The following BRAF variants were observed in gnomAD, a reference collection of about 807,000 sequenced individuals.
BRAF encodes the protein B-Raf proto-oncogene, serine/threonine kinase.
Under a neutral mutation model 104.6 loss-of-function variants are expected in BRAF, and 16 were observed. The ratio of observed to expected loss-of-function variants is 0.15; its 90% CI spans 0.10 to 0.23. The LOEUF (loss-of-function observed/expected upper bound fraction) is 0.23. BRAF is among the 10% of genes least tolerant of loss of function. The probability of loss-of-function intolerance (pLI) is 1.00; values close to 1 mark genes in which losing one functional copy is unlikely to be tolerated. For synonymous variants in BRAF, 310 were observed against 341.6 expected, an observed-to-expected ratio of 0.91 and a Z score of 1.02; for missense variants, 541 against 937.3, an observed-to-expected ratio of 0.58 and a Z score of 5.52.
intron 14 of BRAF, among the ~76,000 whole-genome samples, chr7:140,755,437 G>A (rs527694951): frequency 6.6e-6 from 1 of 152,226 alleles, no homozygotes; most frequent in East Asian, 1.9e-4. Context: ...GATTATTCAT[G>A]CTGTCTCATC....
intron 17 of BRAF, 115 bp downstream of exon 16, chr7:140,749,171 AC>A: frequency 7.1e-7 from 1 of 1,417,136 alleles, no homozygotes; most frequent in Non-Finnish European, 9.7e-7. Context: ...AAAACTGGTA[AC>A]AAAAAATCAA....
chr7:140,819,603 T>C (rs1319331030), intron 3 of BRAF, among the ~76,000 whole-genome samples: 4 of 152,130 alleles, frequency 2.6e-5, no homozygotes, highest in African/African-American at 9.7e-5. Flanking sequence ...AGCTGATAAA[T>C]GTGTAAACAA....
chr7:140,755,172 C>T (rs1190066106), intron 14 of BRAF, among the ~76,000 whole-genome samples: 1 of 152,068 alleles, frequency 6.6e-6, no homozygotes, highest in Non-Finnish European at 1.5e-5. Flanking sequence ...TACCCAGTGC[C>T]GAGAACAGTG....
intron 14 of BRAF, among the ~76,000 whole-genome samples, chr7:140,756,541 C>CA (rs3216495): frequency 0.016 from 2,358 of 143,738 alleles, 55 homozygotes; most frequent in African/African-American, 0.053. Context: ...TGGAAAATGC[C>CA]AAAAAAAAAA....
intron 11 of BRAF, 86 bp downstream of exon 10, chr7:140,782,935 T>A (rs1292436766): frequency 6.1e-6 from 9 of 1,474,612 alleles, no homozygotes; most frequent in Non-Finnish European, 8.4e-6. Context: ...CATATGGACA[T>A]AATATATCTA....
chr7:140,776,736 C>A (rs1006881690), intron 14 of BRAF, among the ~76,000 whole-genome samples, 176 bp downstream of exon 13: 3 of 152,284 alleles, frequency 2.0e-5, no homozygotes, highest in African/African-American at 7.2e-5. Context: ...GAAGGCTGCA[C>A]TAGACAGAGA....
chr7:140,874,016 A>G (rs1811908818), intron 1 of BRAF, among the ~76,000 whole-genome samples: 1 of 152,168 alleles, frequency 6.6e-6, no homozygotes, highest in Non-Finnish European at 1.5e-5. Flanking sequence ...TTGAGCAGAA[A>G]TATTAGTAGT....
intron 3 of BRAF, among the ~76,000 whole-genome samples, chr7:140,825,280 A>C (rs1441536881): frequency 6.6e-6 from 1 of 151,990 alleles, no homozygotes; most frequent in Non-Finnish European, 1.5e-5. Flanking sequence ...TTGTTTTCTT[A>C]CTATTGAGCT....
At chr7:140,897,493 CTTTTTTTTTTTTTTTT>C (rs1177553423) in intron 1 of BRAF, among the ~76,000 whole-genome samples, 1 of 105,760 alleles carries the variant, frequency 9.5e-6, no homozygotes, top group Non-Finnish European at 1.8e-5. Flanking sequence ...TTTCTTTTTT[CTTTTTTTTTTTTTTTT>C]TTTTTGAGAC....
intron 8 of BRAF, among the ~76,000 whole-genome samples, chr7:140,791,878 G>A (rs1267635): frequency 0.3 from 45,340 of 152,084 alleles, 10,783 homozygotes; most frequent in African/African-American, 0.66. Flanking sequence ...GTGGTTAAGT[G>A]TAAGAGAGAA....
chr7:140,774,671 C>G (rs562799175), intron 14 of BRAF, among the ~76,000 whole-genome samples: 2 of 152,172 alleles, frequency 1.3e-5, no homozygotes, highest in South Asian at 4.1e-4. Flanking sequence ...CAAGTGCCAC[C>G]ACACCTTGCT....
intron 1 of BRAF, among the ~76,000 whole-genome samples, chr7:140,901,858 C>T (rs750244867): frequency 5.3e-5 from 8 of 152,196 alleles, no homozygotes; most frequent in Non-Finnish European, 1.2e-4. Flanking sequence ...GTCCTTAATT[C>T]TTTATTTATC....
intron 1 of BRAF, among the ~76,000 whole-genome samples, chr7:140,895,226 G>A (rs536306659): frequency 6.6e-6 from 1 of 152,092 alleles, no homozygotes; most frequent in South Asian, 2.1e-4. Context: ...AAAAAAACAT[G>A]ATCACCTCAA....
rs1203238828 is a variant in BRAF at position 140,724,198 on chromosome 7, C to CGCCCCT, written c.*2290_*2295dup. On this transcript the variant is annotated 3_prime_UTR_variant, in exon 20 of 20. Transcript: ENST00000644969. ...TGCTAAGCTTCCTCCCTAATGGTAC[C>CGCCCCT]GCCCCTGCCCCTGCCCCACGGAGGC... The CGCCCCT allele has an allele frequency of 4.7e-6, 5 of 1,056,544 alleles. No individual in the cohort carries two copies. The highest frequency in any genetic ancestry group is 3.3e-5 in the African/African-American group (2 of 60,404). 65.4% of individuals were successfully genotyped at this position (1,056,544 alleles called of 1,614,324 possible). A position where few individuals can be genotyped will look rare whatever the true frequency, so the allele number is the denominator to read the frequency against.
At chr7:140,916,157 CAT>C (rs758866188) in intron 1 of BRAF, among the ~76,000 whole-genome samples, 31 of 152,310 alleles carry the variant, frequency 2.0e-4, no homozygotes, top group Non-Finnish European at 3.5e-4. Context: ...TCTCTAGAAA[CAT>C]GTGTTTCCTG....
chr7:140,871,838 C>T lies in BRAF; in HGVS notation c.139-21626G>A, dbSNP rs528496497. Among the ~76,000 whole-genome samples the T allele has an allele frequency of 2.1e-3, 318 of 152,224 alleles. 1 individual carries two copies. Among genetic ancestry groups the T allele is most frequent in the African/African-American group, 7.2e-3 (299 of 41,530 alleles). On this transcript the variant is annotated intron_variant, in intron 1 of 19. Coordinates refer to ENST00000644969, the MANE Select transcript of BRAF (RefSeq NM_001374258.1). The stretch of plus-strand genomic sequence containing the variant: ...CATTCCCAGCCACTGCAGCTACTGG[C>T]TAATATACTGCATAGCACAGAAAAT...
Position 140,722,214 on chromosome 7 carries a change from T to G in BRAF, c.*4280A>C. 1 of 1,056,544 alleles carries G rather than the reference T, an allele frequency of 9.5e-7. No homozygotes were observed. Among genetic ancestry groups the G allele is most frequent in the Non-Finnish European group, 1.1e-6 (1 of 873,522 alleles). 65.4% of individuals were successfully genotyped at this position (1,056,544 alleles called of 1,614,324 possible). A position where few individuals can be genotyped will look rare whatever the true frequency, so the allele number is the denominator to read the frequency against. Reference sequence around the variant, plus strand: ...ATATCTGACTATACTAGGGATTATGTGCTTTAAAAAAATAATTTTGTTCAC... The same window carrying G: ...ATATCTGACTATACTAGGGATTATGGGCTTTAAAAAAATAATTTTGTTCAC... On this transcript the variant is annotated 3_prime_UTR_variant, in exon 20 of 20. Transcript: ENST00000644969.
chr7:140,848,507 GA>G (rs1370131492), intron 2 of BRAF, among the ~76,000 whole-genome samples: 1 of 152,196 alleles, frequency 6.6e-6, no homozygotes, highest in Non-Finnish European at 1.5e-5. Flanking sequence ...TAAAAAGCCT[GA>G]AGAGTTATGT....
chr7:140,793,271 AC>A (rs1188530690), intron 8 of BRAF, among the ~76,000 whole-genome samples: 1 of 152,058 alleles, frequency 6.6e-6, no homozygotes, highest in African/African-American at 2.4e-5. Flanking sequence ...ACTGAGAACA[AC>A]CCTAACCTGG....
Sources: gnomAD v4.1 joint callset for allele counts (sites outside exome capture counted in the v4.1 genomes callset) on GRCh38, gnomAD v4.1.1 for gene constraint, MANE v1.5 for transcripts, NCBI Gene and HGNC (gene_info 2026-07-23, HGNC 2026-07-21) for gene names.